SNX30: variants seen among roughly 807,000 people sequenced by gnomAD.
The protein encoded by SNX30 is sorting nexin-30.
In SNX30, 24 loss-of-function variants were observed where a neutral mutation model predicts 46.4. The observed-to-expected ratio is 0.52, with a 90% CI of 0.37 to 0.73. The LOEUF (loss-of-function observed/expected upper bound fraction) is 0.73, where lower values mean the gene tolerates loss of function less well. SNX30 is among the 30% of genes least tolerant of loss of function. SNX30 has a pLI of 0.00. For synonymous variants in SNX30, 189 were observed against 211.5 expected (o/e 0.89, Z 0.92); for missense variants, 533 against 555.7 (o/e 0.96, Z 0.41).
At chr9:112,862,899 A>C (rs2131503356) in intron 7 of SNX30, among the ~76,000 whole-genome samples, 2 of 151,970 alleles carry the variant, frequency 1.3e-5, no homozygotes, top group East Asian at 3.9e-4. Context: ...ATGTGCTTTG[A>C]AGAAGGCCTC....
At chr9:112,774,438 A>G (rs1372210886) in intron 1 of SNX30, among the ~76,000 whole-genome samples, 1 of 152,250 alleles carries the variant, frequency 6.6e-6, no homozygotes, top group Non-Finnish European at 1.5e-5. Context: ...ACCTGTGCCA[A>G]TAAATTATGT....
chr9:112,845,487 G>A (rs963834100), intron 6 of SNX30, among the ~76,000 whole-genome samples: 1 of 152,150 alleles, frequency 6.6e-6, no homozygotes, highest in Admixed American at 6.5e-5. Flanking sequence ...TCACACAGGG[G>A]CCACTTCCTT....
intron 4 of SNX30, among the ~76,000 whole-genome samples, chr9:112,835,802 T>C (rs1840742328): frequency 6.6e-6 from 1 of 152,194 alleles, no homozygotes; most frequent in African/African-American, 2.4e-5. Flanking sequence ...CTTATATGGC[T>C]TTAGTTGGGG....
intron 2 of SNX30, among the ~76,000 whole-genome samples, chr9:112,814,331 C>T (rs1421048858): frequency 6.6e-6 from 1 of 152,170 alleles, no homozygotes; most frequent in Non-Finnish European, 1.5e-5. Flanking sequence ...ACCTCTGCCT[C>T]CCAGGCTCAA....
At chr9:112,793,385 G>A (rs987927239) in intron 1 of SNX30, among the ~76,000 whole-genome samples, 1 of 152,274 alleles carries the variant, frequency 6.6e-6, no homozygotes, top group Non-Finnish European at 1.5e-5. Flanking sequence ...CATCATGCGG[G>A]GGGAGAAGGC....
In SNX30 at chr9:112,750,916, C is replaced by T; in HGVS notation, c.-86C>T. 1.8e-6 allele frequency: 2 copies of T among 1,126,866 alleles called. No homozygotes were observed. The highest frequency in any genetic ancestry group is 1.6e-5 in the African/African-American group (1 of 60,732). The allele number at this position is 1,126,866 out of a possible 1,614,324, so 69.8% of individuals were successfully genotyped here. A position where few individuals can be genotyped will look rare whatever the true frequency, so the allele number is the denominator to read the frequency against. On this transcript the variant is annotated 5_prime_UTR_variant, in exon 1 of 9. Coordinates refer to ENST00000374232, the MANE Select transcript of SNX30 (RefSeq NM_001012994.2). ...GGCCTCGGGTTAAGCGGCGGCCGAGCGGGGCTCGGCCCGGGGTGCTCGGGG... is the reference window on the plus strand; with the variant it reads ...GGCCTCGGGTTAAGCGGCGGCCGAGTGGGGCTCGGCCCGGGGTGCTCGGGG...
At chr9:112,760,059 G>A (rs1839412004) in intron 1 of SNX30, among the ~76,000 whole-genome samples, 1 of 152,116 alleles carries the variant, frequency 6.6e-6, no homozygotes. Context: ...GTCTGATCAG[G>A]GAATAAAAGC....
chr9:112,839,655 T>G (rs1840823713), intron 6 of SNX30, among the ~76,000 whole-genome samples: 1 of 152,194 alleles, frequency 6.6e-6, no homozygotes, highest in Admixed American at 6.5e-5. Context: ...CCAGTCTTTA[T>G]GACCAATAGA....
At chr9:112,836,558 G>C in intron 5 of SNX30, 149 bp downstream of exon 5, 3 of 818,540 alleles carry the variant, frequency 3.7e-6, no homozygotes, top group Non-Finnish European at 5.5e-6. Context: ...AGGAGGGGAG[G>C]AGTTACTTGT....
At chr9:112,863,198 ACCT>A (rs1431292589) in intron 7 of SNX30, among the ~76,000 whole-genome samples, 5 of 151,846 alleles carry the variant, frequency 3.3e-5, no homozygotes, top group Non-Finnish European at 7.4e-5. Flanking sequence ...TTGGGTATAA[ACCT>A]CCTCGATTGG....
At chr9:112,849,930 G>A (rs1840997388) in intron 6 of SNX30, among the ~76,000 whole-genome samples, 1 of 152,230 alleles carries the variant, frequency 6.6e-6, no homozygotes, top group Non-Finnish European at 1.5e-5. Context: ...ATTAAAGGAA[G>A]AAGAAAGAAA....
intron 7 of SNX30, among the ~76,000 whole-genome samples, chr9:112,859,402 A>G (rs1841191962): frequency 6.6e-6 from 1 of 152,334 alleles, no homozygotes; most frequent in Admixed American, 6.5e-5. Flanking sequence ...ACTGTGAATA[A>G]TGCTGCTATA....
chr9:112,793,884 C>G (rs770194353), intron 1 of SNX30, among the ~76,000 whole-genome samples: 89 of 147,890 alleles, frequency 6.0e-4, no homozygotes, highest in Middle Eastern at 7.1e-3. Flanking sequence ...GGCTTGTGTT[C>G]AACTCACTGA....
chr9:112,821,025 T>G lies in SNX30; in HGVS notation c.459+3210T>G, dbSNP rs532117938. Among the ~76,000 whole-genome samples the G allele has an allele frequency of 2.6e-5, 4 of 152,322 alleles. No individual in the cohort carries two copies. In the East Asian group the frequency reaches 5.8e-4, roughly 22 times the overall value. On this transcript the variant is annotated intron_variant, in intron 3 of 8. Coordinates refer to ENST00000374232, the MANE Select transcript of SNX30 (RefSeq NM_001012994.2). ...GTTTTTCTGTGGACATGTTCCCATT[T>G]TGGGGGGGGTGTATTCTTAGGAATG...
At chr9:112,878,053 C>G (rs1354836160), downstream of SNX30, 1 of 152,250 alleles carries the variant, frequency 6.6e-6, no homozygotes, top group African/African-American at 2.4e-5. Flanking sequence ...TGGTTTACTG[C>G]AAGGGCTTCA....
At chr9:112,838,122 C>T (rs537283979) in intron 5 of SNX30, among the ~76,000 whole-genome samples, 2 of 151,922 alleles carry the variant, frequency 1.3e-5, no homozygotes, top group South Asian at 4.2e-4. Flanking sequence ...GATCTCCTGA[C>T]CTTGTGATCC....
chr9:112,819,266 CTTTTTTTTTTTT>C (rs35138610), intron 3 of SNX30, among the ~76,000 whole-genome samples: 1 of 117,028 alleles, frequency 8.5e-6, no homozygotes, highest in Non-Finnish European at 1.7e-5. Flanking sequence ...TTCTTTCTTT[CTTTTTTTTTTTT>C]TTTTTTGAGA....
rs1028017892 is a variant in SNX30, at chr9:112,750,967, G to A, written c.-35G>A. 3.3e-6 allele frequency: 4 copies of A among 1,211,980 alleles called. No individual in the cohort carries two copies. In the African/African-American group the frequency reaches 6.3e-5, roughly 19 times the overall value. 75.1% of individuals were successfully genotyped at this position (1,211,980 alleles called of 1,614,324 possible). On this transcript the variant is annotated 5_prime_UTR_variant, in exon 1 of 9. Transcript: ENST00000374232. ...AGCTCGCCGCGGCGGGCAGCAGGAGGAAGCGGCGGCGGCGCGTCCCGAGCG... is the reference window on the plus strand; with the variant it reads ...AGCTCGCCGCGGCGGGCAGCAGGAGAAAGCGGCGGCGGCGCGTCCCGAGCG...
At position 112,828,047 on chromosome 9, in the gene SNX30, T is replaced by G. The variant is rs1056324445; in HGVS notation, c.460-2678T>G. On this transcript the variant is annotated intron_variant, in intron 3 of 8. Coordinates refer to ENST00000374232, the MANE Select transcript of SNX30 (RefSeq NM_001012994.2). ...ACAGGCAGGAGAGTAGGTGGACAAT[T>G]TGTCACACAGTCAGTTATATAGTGC... Among the ~76,000 whole-genome samples, 6 of 152,206 alleles carry G rather than the reference T, an allele frequency of 3.9e-5. No homozygotes were observed. The East Asian group carries it at 1.2e-3, about 29-fold the overall frequency.
Sources: allele counts gnomAD v4.1 joint callset (sites outside exome capture counted in the v4.1 genomes callset), GRCh38; gene constraint gnomAD v4.1.1; transcripts MANE v1.5; gene names NCBI Gene and HGNC (gene_info 2026-07-23, HGNC 2026-07-21).